The following ZNF26 variants were observed in gnomAD, a reference collection of about 807,000 sequenced individuals.
The protein encoded by ZNF26 is epididymis luminal protein 179.
A neutral mutation model predicts 54.9 loss-of-function variants in ZNF26; 32 were observed. The observed-to-expected ratio is 0.58, with a 90% CI of 0.44 to 0.78. The LOEUF is 0.78. Ranked by LOEUF, ZNF26 falls within the 30% of genes least tolerant of loss-of-function variation. The pLI is 0.00. For missense variants in ZNF26, 524 were observed against 634.0 expected, an observed-to-expected ratio of 0.83 and a Z score of 1.86; for synonymous variants, 221 against 209.2, an observed-to-expected ratio of 1.06 and a Z score of -0.49.
Position 133,012,052 on chromosome 12 carries a change from A to G in ZNF26, c.*571A>G, listed in dbSNP as rs1344270026. The G allele has an allele frequency of 1.3e-5, 2 of 152,146 alleles. No homozygotes were observed. Among genetic ancestry groups the G allele is most frequent in the African/African-American group, 2.4e-5 (1 of 41,412 alleles). The allele number at this position is 152,146 out of a possible 1,614,324, so 9.4% of individuals were successfully genotyped here. A position where few individuals can be genotyped will look rare whatever the true frequency, so the allele number is the denominator to read the frequency against. On this transcript the variant is annotated 3_prime_UTR_variant, in exon 4 of 4. Transcript: ENST00000328654. ...TAACTTGTTCTATCTATCTATATAT[A>G]TATTTGATAGTTTGTGGAATAATAT...
chr12:132,990,513 G>C (rs1952925658), intron 1 of ZNF26, among the ~76,000 whole-genome samples: 1 of 152,016 alleles, frequency 6.6e-6, no homozygotes, highest in South Asian at 2.1e-4. Context: ...TAGTTTTCTA[G>C]GGTTTCTGTC....
rs1234072892 is a variant in ZNF26 at position 133,007,388 on chromosome 12, C to G, written c.161-49C>G. ...GCTCTGTAGCTCTTGATTCCTCGGT[C>G]CTGTCCCTAACAGCCTGGTCCCCAC... On this transcript the variant is annotated intron_variant, in intron 2 of 3. Coordinates refer to ENST00000328654, the MANE Select transcript of ZNF26 (RefSeq NM_019591.4). 33 of 1,514,354 alleles carry G rather than the reference C, an allele frequency of 2.2e-5. No homozygotes were observed. In the African/African-American group the frequency reaches 4.1e-4, roughly 19 times the overall value. 93.8% of individuals were successfully genotyped at this position (1,514,354 alleles called of 1,614,324 possible).
At chr12:133,007,583 G>C in intron 3 of ZNF26, 51 bp downstream of exon 3, 1 of 1,343,622 alleles carries the variant, frequency 7.4e-7, no homozygotes. Context: ...GAGCTGATGA[G>C]TACCTGAGGA....
At chr12:132,993,794 T>C (rs1329337749) in intron 1 of ZNF26, among the ~76,000 whole-genome samples, 1 of 152,190 alleles carries the variant, frequency 6.6e-6, no homozygotes, top group Non-Finnish European at 1.5e-5. Context: ...GCCTTGTCCC[T>C]TTACATTCAT....
At chr12:132,987,447 A>T (rs1952848995) in intron 1 of ZNF26, among the ~76,000 whole-genome samples, 1 of 152,202 alleles carries the variant, frequency 6.6e-6, no homozygotes, top group African/African-American at 2.4e-5. Context: ...CCAGTGGATC[A>T]TCGGGACTTT....
In ZNF26 at chr12:133,015,376, GAAA is replaced by G. The variant is rs1299805679; in HGVS notation, c.*3897_*3899del. On this transcript the variant is annotated 3_prime_UTR_variant, in exon 4 of 4. Transcript: ENST00000328654. ...CTCAAAAAAAAAAAAAAAAAGAAAA[GAAA>G]ATGACAAACACATGTTCTGTGTATA... The G allele has an allele frequency of 2.2e-5, 3 of 134,334 alleles. No individual in the cohort carries two copies. The highest frequency in any genetic ancestry group is 7.6e-5 in the Admixed American group (1 of 13,144). 8.3% of individuals were successfully genotyped at this position (134,334 alleles called of 1,614,324 possible). A position where few individuals can be genotyped will look rare whatever the true frequency, so the allele number is the denominator to read the frequency against.
Position 133,022,909 on chromosome 12 carries a change from A to G in ZNF26, c.*11428A>G, listed in dbSNP as rs1953661328. The G allele has an allele frequency of 6.6e-6, 1 of 152,216 alleles. No individual in the cohort carries two copies. Among genetic ancestry groups the G allele is most frequent in the Non-Finnish European group, 1.5e-5 (1 of 68,048 alleles). The allele number at this position is 152,216 out of a possible 1,614,324, so 9.4% of individuals were successfully genotyped here. On this transcript the variant is annotated 3_prime_UTR_variant, in exon 4 of 4. Transcript: ENST00000328654. ...TTGTTTAGGCATATGTGTTTATGTG[A>G]CAAAACAACGGGGAAAAAAAGCTAG...
intron 1 of ZNF26, among the ~76,000 whole-genome samples, chr12:132,990,742 T>C (rs1952930801): frequency 6.6e-6 from 1 of 152,226 alleles, no homozygotes; most frequent in African/African-American, 2.4e-5. Context: ...TTAGAGTGTC[T>C]GTTTCTTTTT....
Position 133,001,587 on chromosome 12 carries a change from A to G in ZNF26, c.34-5455A>G. On this transcript the variant is annotated intron_variant, in intron 1 of 3. Coordinates refer to ENST00000328654, the MANE Select transcript of ZNF26 (RefSeq NM_019591.4). The surrounding 1 kb of genome is among the most constrained non-coding windows in gnomAD (Gnocchi z 4.7). ...TCTCTCACTGCATGCAGACTCACCC[A>G]GAAGTCCACTCACTGCCTCTTCCCC... 8.8e-7 allele frequency: 1 copy of G among 1,138,976 alleles called. No individual in the cohort carries two copies. Among genetic ancestry groups the G allele is most frequent in the Non-Finnish European group, 1.2e-6 (1 of 852,612 alleles). 70.6% of individuals were successfully genotyped at this position (1,138,976 alleles called of 1,614,324 possible).
intron 1 of ZNF26, among the ~76,000 whole-genome samples, chr12:132,998,548 G>A (rs917470339): frequency 6.6e-6 from 1 of 152,132 alleles, no homozygotes; most frequent in Non-Finnish European, 1.5e-5. Flanking sequence ...TTTGCTGCTC[G>A]ACTGTGCTTG....
In ZNF26 at chr12:133,017,755, A is replaced by T. The variant is rs1227480789; in HGVS notation, c.*6274A>T. On this transcript the variant is annotated 3_prime_UTR_variant, in exon 4 of 4. Transcript: ENST00000328654. The stretch of plus-strand genomic sequence containing the variant: ...CCAGGCGTGGTGGCTCACGCCTGTA[A>T]TCCCAGCACTTTGGGAGGCCGAGGT... 1 of 152,260 alleles carries T rather than the reference A, an allele frequency of 6.6e-6. No homozygotes were observed. Among genetic ancestry groups the T allele is most frequent in the Non-Finnish European group, 1.5e-5 (1 of 68,068 alleles). The allele number at this position is 152,260 out of a possible 1,614,324, so 9.4% of individuals were successfully genotyped here.
At position 132,988,679 on chromosome 12, in the gene ZNF26, A is replaced by C. The variant is rs201133247; in HGVS notation, c.33+1806A>C. Among the ~76,000 whole-genome samples the C allele has an allele frequency of 2.4e-3, 365 of 152,288 alleles. 11 individuals carry two copies. In the East Asian group the frequency reaches 0.061, roughly 26 times the overall value. ...AACATCTGCAAAATAACTTGCTGGGATTTTAACTGACAGTGCATTCAATCT... is the reference window on the plus strand; with the variant it reads ...AACATCTGCAAAATAACTTGCTGGGCTTTTAACTGACAGTGCATTCAATCT... On this transcript the variant is annotated intron_variant, in intron 1 of 3. Coordinates refer to ENST00000328654, the MANE Select transcript of ZNF26 (RefSeq NM_019591.4).
intron 1 of ZNF26, among the ~76,000 whole-genome samples, chr12:132,998,477 T>G (rs1953140338): frequency 6.6e-6 from 1 of 152,172 alleles, no homozygotes; most frequent in Non-Finnish European, 1.5e-5. Context: ...GCTGGAACTT[T>G]TTAAAGGAAT....
chr12:133,011,010 A>G lies in ZNF26; in HGVS notation c.1131A>G (p.Lys377=). The change falls in exon 4 of 4, where the codon AAA becomes AAG. Residue 377 remains lysine, a synonymous_variant. Transcript: ENST00000328654. The stretch of plus-strand genomic sequence containing the variant: ...CTTATCAATGCGGTGAATGTGGGAA[A>G]GCCTTTGGTAGGAAGGAACAGCTCA... ...NNPYQCGECG[K]AFGRKEQLTA... is the part of the protein sequence containing the mutation. 3 of 1,614,196 alleles carry G rather than the reference A, an allele frequency of 1.9e-6. No homozygotes were observed. In the Admixed American group the frequency reaches 5.0e-5, roughly 27 times the overall value.
At position 133,006,839 on chromosome 12, in the gene ZNF26, C is replaced by T. The variant is rs780757118; in HGVS notation, c.34-203C>T. On this transcript the variant is annotated intron_variant, in intron 1 of 3. Transcript: ENST00000328654. The stretch of plus-strand genomic sequence containing the variant: ...TGAACTCCTGCCCTTGTGATCCACC[C>T]GCCTTGGCCTCCGAAAGTGCTGGCG... The T allele has an allele frequency of 2.8e-3, 1,592 of 565,118 alleles. 17 individuals are homozygous for T. Among genetic ancestry groups the T allele is most frequent in the South Asian group, 0.014 (642 of 47,418 alleles). The allele number at this position is 565,118 out of a possible 1,614,324, so 35.0% of individuals were successfully genotyped here. A position where few individuals can be genotyped will look rare whatever the true frequency, so the allele number is the denominator to read the frequency against.
rs1310071129 is a variant in ZNF26, at chr12:133,024,264, A to C, written c.*12783A>C. ...AGTGGGCTTTGGGGATGGTATTAGC[A>C]GAGTCTAAAAGTCATCAAGGAGGTT... On this transcript the variant is annotated 3_prime_UTR_variant, in exon 4 of 4. Transcript: ENST00000328654. 2 of 152,246 alleles carry C rather than the reference A, an allele frequency of 1.3e-5. No individual in the cohort carries two copies. The highest frequency in any genetic ancestry group is 2.9e-5 in the Non-Finnish European group (2 of 68,052). The allele number at this position is 152,246 out of a possible 1,614,324, so 9.4% of individuals were successfully genotyped here. A position where few individuals can be genotyped will look rare whatever the true frequency, so the allele number is the denominator to read the frequency against.
At position 133,015,554 on chromosome 12, in the gene ZNF26, A is replaced by C. The variant is rs1434468510; in HGVS notation, c.*4073A>C. Reference sequence around the variant, plus strand: ...TCCCAGCTACTTGGGAGGCTGAGGCAGGAGTGTCGCTTCAGCCCAGAAGGT... The same window carrying C: ...TCCCAGCTACTTGGGAGGCTGAGGCCGGAGTGTCGCTTCAGCCCAGAAGGT... On this transcript the variant is annotated 3_prime_UTR_variant, in exon 4 of 4. Coordinates refer to ENST00000328654, the MANE Select transcript of ZNF26 (RefSeq NM_019591.4). 1 of 152,206 alleles carries C rather than the reference A, an allele frequency of 6.6e-6. No individual in the cohort carries two copies. Among genetic ancestry groups the C allele is most frequent in the Non-Finnish European group, 1.5e-5 (1 of 68,054 alleles). The allele number at this position is 152,206 out of a possible 1,614,324, so 9.4% of individuals were successfully genotyped here. A position where few individuals can be genotyped will look rare whatever the true frequency, so the allele number is the denominator to read the frequency against.
chr12:132,986,813 C>T lies in ZNF26; in HGVS notation c.-28C>T. On this transcript the variant is annotated 5_prime_UTR_variant, in exon 1 of 4. Transcript: ENST00000328654. ...CCGCAGCCCGCGGGTCCTGCCCCCG[C>T]AGGCAGCGCGCGAACGTGGGCGTGG... 1.9e-6 allele frequency: 3 copies of T among 1,595,804 alleles called. No homozygotes were observed. The highest frequency in any genetic ancestry group is 2.3e-5 in the South Asian group (2 of 88,236).
chr12:132,992,680 G>A (rs1170235354), intron 1 of ZNF26, among the ~76,000 whole-genome samples: 1 of 152,196 alleles, frequency 6.6e-6, no homozygotes. Context: ...TCCAGATGGA[G>A]CCTCATCATA....
Sources: gnomAD v4.1 joint callset for allele counts (sites outside exome capture counted in the v4.1 genomes callset) on GRCh38, gnomAD v4.1.1 for gene constraint, Gnocchi (gnomAD v3.1) non-coding constraint, MANE v1.5 for transcripts, NCBI Gene and HGNC (gene_info 2026-07-23, HGNC 2026-07-21) for gene names.